Variants in ENG observed in about 807,000 individuals in gnomAD.
ENG encodes endoglin, also known as CD105 antigen.
ENG carries 17 observed loss-of-function variants against 71.0 expected under a neutral mutation model. The ratio of observed to expected loss-of-function variants is 0.24; its 90% CI spans 0.16 to 0.36. The LOEUF (loss-of-function observed/expected upper bound fraction) is 0.36. Among genes scored for constraint, ENG ranks in the 10% least tolerant of loss-of-function variants. The pLI is 1.00. For synonymous variants in ENG, 360 were observed against 366.9 expected (o/e 0.98, Z 0.21); for missense variants, 749 against 868.3 (o/e 0.86, Z 1.73).
chr9:127,842,426 T>C (rs928662328), intron 2 of ENG, among the ~76,000 whole-genome samples: 8 of 151,372 alleles, frequency 5.3e-5, no homozygotes, highest in African/African-American at 1.7e-4. Flanking sequence ...TTTTATTTTT[T>C]TATTTTTTAT....
Position 127,846,376 on chromosome 9 carries a change from G to A in ENG, c.68-3131C>T, listed in dbSNP as rs1355355307. On this transcript the variant is annotated intron_variant, in intron 1 of 14. Coordinates refer to ENST00000373203, the MANE Select transcript of ENG (RefSeq NM_001114753.3). This position sits in a 1 kb window ranked among gnomAD's most constrained non-coding sequence, Gnocchi z 5.5. Reference sequence around the variant, plus strand: ...CTCACAGCACATGGTTGACCAGGCCGGGCCTCGGACCCGCGTCTCCCAACA... The same window carrying A: ...CTCACAGCACATGGTTGACCAGGCCAGGCCTCGGACCCGCGTCTCCCAACA... Among the ~76,000 whole-genome samples the A allele has an allele frequency of 2.6e-5, 4 of 152,166 alleles. No homozygotes were observed. The highest frequency in any genetic ancestry group is 2.1e-4 in the South Asian group (1 of 4,832).
intron 8 of ENG, among the ~76,000 whole-genome samples, chr9:127,823,239 G>A (rs536563002): frequency 8.5e-5 from 13 of 152,088 alleles, no homozygotes; most frequent in Non-Finnish European, 7.4e-5. Flanking sequence ...TCCGCCTCCC[G>A]GGTTCAGGCC....
rs759102482 is a variant in ENG, at chr9:127,825,299, C to T, written c.748G>A (p.Val250Ile). ...LSCAPGDLDAVLILQGPPYVS... is the reference protein window; with the variant it reads ...LSCAPGDLDAILILQGPPYVS... Reference sequence around the variant, plus strand: ...TAGGGGGGACCCTGCAGGATGAGGACGGCATCGAGATCCCCGGGTGCGCAG... The same window carrying T: ...TAGGGGGGACCCTGCAGGATGAGGATGGCATCGAGATCCCCGGGTGCGCAG... The change falls in exon 6 of 15, where the codon GTC becomes ATC. Residue 250 changes from valine to isoleucine, a missense_variant. Transcript: ENST00000373203. The T allele has an allele frequency of 5.6e-6, 9 of 1,610,076 alleles. No homozygotes were observed. The highest frequency in any genetic ancestry group is 1.7e-4 in the Middle Eastern group (1 of 6,056).
Position 127,818,836 on chromosome 9 carries a change from G to C in ENG, c.1312-4C>G, listed in dbSNP as rs2131877165. Reference sequence around the variant, plus strand: ...TGTTGAGGCAGTGCACCTTTTTCTGGGGGAGGACGGGAGGGAGACTTGGTC... The same window carrying C: ...TGTTGAGGCAGTGCACCTTTTTCTGCGGGAGGACGGGAGGGAGACTTGGTC... On this transcript the variant is annotated splice_polypyrimidine_tract_variant and splice_region_variant and intron_variant, in intron 10 of 14. Coordinates refer to ENST00000373203, the MANE Select transcript of ENG (RefSeq NM_001114753.3). The C allele has an allele frequency of 6.2e-7, 1 of 1,613,792 alleles. No individual in the cohort carries two copies. Among genetic ancestry groups the C allele is most frequent in the African/African-American group, 1.3e-5 (1 of 75,042 alleles).
At chr9:127,852,062 TC>T (rs1272346918) in intron 1 of ENG, among the ~76,000 whole-genome samples, 1 of 152,234 alleles carries the variant, frequency 6.6e-6, no homozygotes, top group Admixed American at 6.5e-5. Flanking sequence ...GTCCCTGACA[TC>T]CGTCCATGGC....
chr9:127,845,641 A>T (rs1021114364), intron 1 of ENG, among the ~76,000 whole-genome samples: 1 of 152,204 alleles, frequency 6.6e-6, no homozygotes, highest in Non-Finnish European at 1.5e-5. Flanking sequence ...AACAGAGCCC[A>T]CATGATCCAC....
In ENG at chr9:127,825,085, C is replaced by T. The variant is rs376994776; in HGVS notation, c.817-111G>A. ...TCCTGCTGTGTCCCCACTCCTGCTG[C>T]GTCTTCTGCCTGGCCCCTTCCCTCA... On this transcript the variant is annotated intron_variant, in intron 6 of 14. Transcript: ENST00000373203. The T allele has an allele frequency of 4.0e-5, 64 of 1,583,828 alleles. No homozygotes were observed. The Middle Eastern group carries it at 8.5e-4, about 21-fold the overall frequency.
chr9:127,816,581 G>A, intron 13 of ENG: 1 of 251,832 alleles, frequency 4.0e-6, no homozygotes, highest in South Asian at 5.1e-5. Context: ...TCTGTGTCAT[G>A]GGGTTATCAG....
At chr9:127,819,837 G>A (rs764683925) in intron 9 of ENG, 63 bp downstream of exon 9, 59 of 1,613,812 alleles carry the variant, frequency 3.7e-5, no homozygotes, top group Non-Finnish European at 4.2e-5. Flanking sequence ...GGGGGATCAG[G>A]GAGGGCACCT....
intron 1 of ENG, among the ~76,000 whole-genome samples, chr9:127,852,827 C>T (rs767796699): frequency 1.1e-4 from 16 of 152,070 alleles, no homozygotes; most frequent in South Asian, 4.2e-4. Context: ...CTCCCCACCC[C>T]GTTGTTAATT....
chr9:127,825,135 T>C, intron 6 of ENG, 96 bp downstream of exon 6: 1 of 1,609,380 alleles, frequency 6.2e-7, no homozygotes, highest in Admixed American at 1.7e-5. Flanking sequence ...TGATTTGTCC[T>C]TCAGCTCAGC....
rs759950184 is a variant in ENG, at chr9:127,815,950, C to G, written c.1845G>C (p.Ser615=). 5 of 1,598,476 alleles carry G rather than the reference C, an allele frequency of 3.1e-6. No individual in the cohort carries two copies. The African/African-American group carries it at 6.7e-5, about 21-fold the overall frequency. Reference sequence around the variant, plus strand: ...GGGGCCTGGGGTACTCACGCGTGTGCGAGTAGATGTACCAGAGTGCAGCAG... The same window carrying G: ...GGGGCCTGGGGTACTCACGCGTGTGGGAGTAGATGTACCAGAGTGCAGCAG... ...LLTAALWYIY[S]HTRSPSKREP... The change falls in exon 14 of 15, where the codon TCG becomes TCC. Residue 615 remains serine (S), a synonymous_variant. Transcript: ENST00000373203.
chr9:127,824,512 CTTTTTTTTTTTT>C (rs71380096), intron 7 of ENG, 66 bp from the exon 8 acceptor site: 8 of 685,796 alleles, frequency 1.2e-5, no homozygotes, highest in African/African-American at 3.2e-5. Flanking sequence ...CCGCACCAGG[CTTTTTTTTTTTT>C]TTTTTTTTTT....
At chr9:127,824,680 A>C in intron 7 of ENG, 120 bp downstream of exon 7, 1 of 1,234,280 alleles carries the variant, frequency 8.1e-7, no homozygotes, top group Non-Finnish European at 1.1e-6. Context: ...AGATGAGAAA[A>C]ATGAGGCTCA....
At chr9:127,823,459 G>C (rs572101574) in intron 8 of ENG, among the ~76,000 whole-genome samples, 12 of 150,488 alleles carry the variant, frequency 8.0e-5, no homozygotes, top group African/African-American at 2.9e-4. Context: ...TGCGATCTCA[G>C]CTCACTGCAA....
In ENG at chr9:127,854,293, G is replaced by A; in HGVS notation, c.63C>T (p.Pro21=). The change falls in exon 1 of 15, where the codon CCC becomes CCT. Residue 21 remains proline (P), a synonymous_variant. Coordinates refer to ENST00000373203, the MANE Select transcript of ENG (RefSeq NM_001114753.3). ...CCTGGGTCCCTGGACACCTACTTGT[G>A]GGGCTGAGGCTGCAGCTGGCCAGCA... The part of the protein sequence containing the change: ...ALLLASCSLS[P]TSLAETVHCD... The A allele has an allele frequency of 6.3e-7, 1 of 1,588,154 alleles. No homozygotes were observed. Among genetic ancestry groups the A allele is most frequent in the Non-Finnish European group, 8.6e-7 (1 of 1,168,050 alleles).
chr9:127,816,895 G>A (rs749080615), intron 13 of ENG: 2 of 574,996 alleles, frequency 3.5e-6, no homozygotes, highest in East Asian at 3.0e-5. Flanking sequence ...AGCCGTGAGT[G>A]GGGGCAGAGG....
intron 8 of ENG, 76 bp from the exon 9 acceptor site, chr9:127,820,113 G>T: frequency 1.3e-6 from 2 of 1,560,412 alleles, no homozygotes; most frequent in South Asian, 2.4e-5. Flanking sequence ...ACCAAGGACT[G>T]ACCACAACCC....
intron 1 of ENG, among the ~76,000 whole-genome samples, chr9:127,845,675 G>A (rs1206788250): frequency 1.3e-5 from 2 of 152,228 alleles, no homozygotes; most frequent in African/African-American, 4.8e-5. Flanking sequence ...AGGACTCCAT[G>A]AGACTGGGCA....
Sources: gnomAD v4.1 joint callset for allele counts (sites outside exome capture counted in the v4.1 genomes callset) on GRCh38, gnomAD v4.1.1 for gene constraint, Gnocchi (gnomAD v3.1) non-coding constraint, MANE v1.5 for transcripts, NCBI Gene and HGNC (gene_info 2026-07-23, HGNC 2026-07-21) for gene names.